Variants in CNTN4 observed in about 807,000 individuals in gnomAD.
CNTN4 encodes contactin-4.
Under a neutral mutation model 122.5 loss-of-function variants are expected in CNTN4, and 77 were observed. The ratio of observed to expected loss-of-function variants is 0.63; its 90% confidence interval spans 0.52 to 0.76. The LOEUF (loss-of-function observed/expected upper bound fraction) is 0.76, where lower values mean the gene tolerates loss of function less well. CNTN4 is among the 30% of genes least tolerant of loss of function. The pLI, the probability that CNTN4 is intolerant of heterozygous loss-of-function variation, is 0.00. For missense variants in CNTN4, 1,256 were observed against 1,259.1 expected (o/e 1.00, Z 0.04); for synonymous variants, 512 against 447.0 (o/e 1.15, Z -1.83).
At chr3:2,315,194 G>A (rs766570980) in intron 2 of CNTN4, among the ~76,000 whole-genome samples, 6 of 134,300 alleles carry the variant, frequency 4.5e-5, no homozygotes, top group Admixed American at 8.1e-5. Flanking sequence ...ATATCATTGA[G>A]CATAAATCAG....
At chr3:2,839,480 C>G (rs900837423) in intron 7 of CNTN4, among the ~76,000 whole-genome samples, 3 of 151,666 alleles carry the variant, frequency 2.0e-5, no homozygotes, top group Non-Finnish European at 4.4e-5. Flanking sequence ...ATTTTTGTAC[C>G]TCTGAAGCTT....
intron 7 of CNTN4, among the ~76,000 whole-genome samples, chr3:2,837,505 G>A (rs193177062): frequency 6.6e-6 from 1 of 152,262 alleles, no homozygotes; most frequent in East Asian, 1.9e-4. Context: ...GCAGTGACGT[G>A]CATTTCATCT....
intron 2 of CNTN4, among the ~76,000 whole-genome samples, chr3:2,300,516 T>TAA (rs985804103): frequency 6.6e-6 from 1 of 150,968 alleles, no homozygotes; most frequent in African/African-American, 2.4e-5. Flanking sequence ...GCTCTTTCCA[T>TAA]TTAGCCCCAT....
intron 12 of CNTN4, among the ~76,000 whole-genome samples, chr3:2,904,006 G>T (rs1181316466): frequency 6.6e-6 from 1 of 151,968 alleles, no homozygotes; most frequent in Non-Finnish European, 1.5e-5. Flanking sequence ...TGAGTGAAAA[G>T]ATAAATCTAT....
At chr3:2,663,699 A>T (rs112458457) in intron 4 of CNTN4, among the ~76,000 whole-genome samples, 1,910 of 152,270 alleles carry the variant, frequency 0.013, 41 homozygotes, top group African/African-American at 0.043. Context: ...TGATAAAGAG[A>T]ACCAAGGGAA....
At chr3:2,572,411 G>C (rs2079465158) in intron 4 of CNTN4, among the ~76,000 whole-genome samples, 1 of 152,002 alleles carries the variant, frequency 6.6e-6, no homozygotes, top group Non-Finnish European at 1.5e-5. Flanking sequence ...GAAAAGAAAA[G>C]AAAACTTCAC....
At chr3:2,774,250 G>C (rs1279506651) in intron 6 of CNTN4, among the ~76,000 whole-genome samples, 1 of 151,930 alleles carries the variant, frequency 6.6e-6, no homozygotes, top group Non-Finnish European at 1.5e-5. Context: ...GACAGAGCGA[G>C]ACTCCATCTC....
intron 2 of CNTN4, among the ~76,000 whole-genome samples, chr3:2,177,050 T>C (rs2036778314): frequency 6.6e-6 from 1 of 152,090 alleles, no homozygotes; most frequent in Non-Finnish European, 1.5e-5. Context: ...TAAAGGTCAT[T>C]TGATGTCCAC....
At chr3:2,284,745 A>G (rs532458633) in intron 2 of CNTN4, among the ~76,000 whole-genome samples, 111 of 152,080 alleles carry the variant, frequency 7.3e-4, no homozygotes, top group Non-Finnish European at 1.0e-3. Context: ...ATTATATCCA[A>G]CAGGAGAGAA....
intron 4 of CNTN4, among the ~76,000 whole-genome samples, chr3:2,716,084 C>G (rs1438596079): frequency 6.6e-6 from 1 of 152,116 alleles, no homozygotes; most frequent in Non-Finnish European, 1.5e-5. Context: ...CCTGCCTCAG[C>G]CTACTGAGTA....
intron 3 of CNTN4, among the ~76,000 whole-genome samples, chr3:2,530,568 A>G (rs974346914): frequency 2.1e-4 from 32 of 152,032 alleles, no homozygotes; most frequent in Non-Finnish European, 2.9e-5. Context: ...TCAGCCTCCC[A>G]AAGTGCTGGG....
intron 2 of CNTN4, among the ~76,000 whole-genome samples, chr3:2,101,872 T>C (rs2031992973): frequency 6.6e-6 from 1 of 152,214 alleles, no homozygotes; most frequent in Non-Finnish European, 1.5e-5. Context: ...GTAGCACACT[T>C]TAAAGATCAC....
chr3:3,040,346 A>G (rs1700039545), intron 20 of CNTN4, 75 bp downstream of exon 20: 3 of 1,116,300 alleles, frequency 2.7e-6, no homozygotes, highest in Admixed American at 3.6e-5. Flanking sequence ...AGCACGTACA[A>G]TCAATTTCGC....
intron 4 of CNTN4, among the ~76,000 whole-genome samples, chr3:2,699,733 G>A (rs905534930): frequency 6.6e-6 from 1 of 152,212 alleles, no homozygotes; most frequent in African/African-American, 2.4e-5. Flanking sequence ...GGTTTCACCA[G>A]TGTAGCCTCT....
chr3:2,679,882 C>G (rs1025157655), intron 4 of CNTN4, among the ~76,000 whole-genome samples: 1 of 151,988 alleles, frequency 6.6e-6, no homozygotes, highest in African/African-American at 2.4e-5. Context: ...ATGAAGTATC[C>G]TTGAGGGTAG....
rs776991426 is a variant in CNTN4 at position 2,571,534 on chromosome 3, C to A, written c.31C>A (p.Gln11Lys). Residue 11 changes from glutamine to lysine, a missense_variant, in exon 4 of 25, where the codon CAA (glutamine) becomes AAA (lysine). Coordinates refer to ENST00000418658, the MANE Select transcript of CNTN4 (RefSeq NM_175607.3). ...GTTGCCATGGGAACTGCTGGTACTG[C>A]AATCATTCATTTTGTGCCTTGCAGG... The part of the protein sequence containing the change: MRLPWELLVL[Q>K]SFILCLADDS... 7.3e-5 allele frequency: 118 copies of A among 1,613,692 alleles called. No individual in the cohort carries two copies. The highest frequency in any genetic ancestry group is 9.7e-5 in the Non-Finnish European group (115 of 1,179,676).
chr3:2,163,472 C>G (rs564752477), intron 2 of CNTN4, among the ~76,000 whole-genome samples: 1 of 152,056 alleles, frequency 6.6e-6, no homozygotes, highest in African/African-American at 2.4e-5. Context: ...GACCCAAAAG[C>G]AAATGTAAGA....
At chr3:3,031,608 A>G (rs999131227) in intron 16 of CNTN4, among the ~76,000 whole-genome samples, 2 of 152,130 alleles carry the variant, frequency 1.3e-5, no homozygotes, top group African/African-American at 4.8e-5. Flanking sequence ...AGCAACACCA[A>G]CTGAGTACAT....
chr3:2,566,594 C>A (rs149392621), intron 3 of CNTN4, among the ~76,000 whole-genome samples: 1 of 152,098 alleles, frequency 6.6e-6, no homozygotes, highest in Non-Finnish European at 1.5e-5. Flanking sequence ...AGTTAAAAAT[C>A]TATTTGGTGG....
Sources: gnomAD v4.1 joint callset for allele counts (sites outside exome capture counted in the v4.1 genomes callset) on GRCh38, gnomAD v4.1.1 for gene constraint, MANE v1.5 for transcripts, NCBI Gene and HGNC (gene_info 2026-07-23, HGNC 2026-07-21) for gene names.